Variants in NLRC5 observed in about 807,000 individuals in gnomAD.
NLRC5 encodes protein NLRC5.
In NLRC5, 114 loss-of-function variants were observed where a neutral mutation model predicts 206.9. The observed-to-expected ratio is 0.55, with a 90% confidence interval of 0.47 to 0.64. The LOEUF (loss-of-function observed/expected upper bound fraction) is 0.64. NLRC5 is among the 30% of genes least tolerant of loss of function. NLRC5 has a pLI of 0.00. For missense variants in NLRC5, 2,008 were observed against 2,305.5 expected, an observed-to-expected ratio of 0.87 and a Z score of 2.64; for synonymous variants, 952 against 962.8, an observed-to-expected ratio of 0.99 and a Z score of 0.21.
At chr16:57,042,812 T>C (rs1199625055) in intron 19 of NLRC5, among the ~76,000 whole-genome samples, 1 of 152,170 alleles carries the variant, frequency 6.6e-6, no homozygotes, top group Non-Finnish European at 1.5e-5. Flanking sequence ...ATCTCTGAAA[T>C]GAGTGCTGGG....
At chr16:57,054,622 G>T (rs1162134747) in intron 24 of NLRC5, 129 bp from the exon 25 acceptor site, 5 of 757,232 alleles carry the variant, frequency 6.6e-6, no homozygotes, top group Non-Finnish European at 1.2e-5. Context: ...TGTGCCTCTT[G>T]ATCCCCTGCC....
chr16:57,068,225 T>A (rs1443593142), intron 36 of NLRC5, among the ~76,000 whole-genome samples: 1 of 152,040 alleles, frequency 6.6e-6, no homozygotes, highest in Non-Finnish European at 1.5e-5. Context: ...AGCTCAGGAA[T>A]TCGAGACCAC....
intron 23 of NLRC5, among the ~76,000 whole-genome samples, chr16:57,049,202 G>C (rs147039726): frequency 6.8e-4 from 104 of 152,320 alleles, no homozygotes; most frequent in African/African-American, 1.9e-3. Context: ...ATCCTAGGCT[G>C]CATGCAGCAG....
chr16:57,068,239 G>A lies in NLRC5; in HGVS notation c.4499+411G>A, dbSNP rs529521376. ...GAGCTCAGGAATTCGAGACCACCCT[G>A]GACAACACGGTGAAACCCCGTCTCT... On this transcript the variant is annotated intron_variant, in intron 36 of 48. Coordinates refer to ENST00000688547, the MANE Select transcript of NLRC5 (RefSeq NM_001384950.1). Among the ~76,000 whole-genome samples the A allele has an allele frequency of 3.9e-5, 6 of 152,072 alleles. No individual in the cohort carries two copies. The South Asian group carries it at 1.2e-3, about 32-fold the overall frequency.
rs1356346577 is a variant in NLRC5, at chr16:57,074,588, C to T, written c.4668-12C>T. The T allele has an allele frequency of 3.1e-6, 5 of 1,613,522 alleles. No homozygotes were observed. Among genetic ancestry groups the T allele is most frequent in the Non-Finnish European group, 4.2e-6 (5 of 1,179,594 alleles). ...CCCAGATGTCAAGTTCACCTGGCCT[C>T]CTCTTCTCCAGCCTCAGTCACCTTC... On this transcript the variant is annotated splice_polypyrimidine_tract_variant and intron_variant, in intron 38 of 48. Transcript: ENST00000688547.
rs763147979 is a variant in NLRC5 at position 57,021,017 on chromosome 16, G to A, written c.295+10G>A. On this transcript the variant is annotated intron_variant, in intron 3 of 48. Transcript: ENST00000688547. ...TTTGGCTATGATGATGGTAAGGGCA[G>A]GTGTGAGAGACGCAAAGCAGCCGGG... is the stretch of plus-strand genomic sequence containing the variant. 2.5e-6 allele frequency: 4 copies of A among 1,610,510 alleles called. No homozygotes were observed. Among genetic ancestry groups the A allele is most frequent in the Non-Finnish European group, 3.4e-6 (4 of 1,177,050 alleles).
In NLRC5 at chr16:57,083,136, C is replaced by T. The variant is rs2069335288; in HGVS notation, c.*608C>T. The T allele has an allele frequency of 6.6e-6, 1 of 152,350 alleles. No individual in the cohort carries two copies. The highest frequency in any genetic ancestry group is 6.5e-5 in the Admixed American group (1 of 15,286). 9.4% of individuals were successfully genotyped at this position (152,350 alleles called of 1,614,324 possible). A position where few individuals can be genotyped will look rare whatever the true frequency, so the allele number is the denominator to read the frequency against. On this transcript the variant is annotated 3_prime_UTR_variant, in exon 49 of 49. Coordinates refer to ENST00000688547, the MANE Select transcript of NLRC5 (RefSeq NM_001384950.1). ...ACTGACCAGTCCAGGGGCTCAAGGG[C>T]CAGGGCTCTGGAACAAGCCAGGGAC... is the stretch of plus-strand genomic sequence containing the variant.
intron 37 of NLRC5, 55 bp downstream of exon 37, chr16:57,069,974 T>C: frequency 6.9e-7 from 1 of 1,453,160 alleles, no homozygotes; most frequent in Non-Finnish European, 9.4e-7. Flanking sequence ...GGGTGAGGGG[T>C]GGAGAAGAGA....
chr16:57,078,141 C>A, intron 43 of NLRC5, 121 bp downstream of exon 43: 1 of 728,216 alleles, frequency 1.4e-6, no homozygotes, highest in Non-Finnish European at 2.2e-6. Flanking sequence ...TTGGCATATA[C>A]CCACTCTCCT....
chr16:57,043,345 T>G (rs1196146124), intron 19 of NLRC5, among the ~76,000 whole-genome samples, 170 bp from the exon 20 acceptor site: 2 of 152,188 alleles, frequency 1.3e-5, no homozygotes, highest in Admixed American at 1.3e-4. Flanking sequence ...AGGACTCTGT[T>G]TCCCCATCTC....
intron 15 of NLRC5, among the ~76,000 whole-genome samples, chr16:57,039,118 G>A (rs2143514355): frequency 6.6e-6 from 1 of 152,226 alleles, no homozygotes; most frequent in South Asian, 2.1e-4. Flanking sequence ...ACTAGAAAAT[G>A]GAAGGTTTGA....
At position 57,070,632 on chromosome 16, in the gene NLRC5, G is replaced by A; in HGVS notation, c.4667+14G>A. Reference sequence around the variant, plus strand: ...AAAGAGGCTGGAGTAAGTAGTGATGGTGGTTGTGGGTGAGTGAGTGGTGGG... The same window carrying A: ...AAAGAGGCTGGAGTAAGTAGTGATGATGGTTGTGGGTGAGTGAGTGGTGGG... On this transcript the variant is annotated intron_variant, in intron 38 of 48. Transcript: ENST00000688547. The A allele has an allele frequency of 2.5e-6, 4 of 1,610,460 alleles. No individual in the cohort carries two copies. The highest frequency in any genetic ancestry group is 3.4e-6 in the Non-Finnish European group (4 of 1,176,736).
At chr16:57,009,056 G>A (rs1396123527) in intron 1 of NLRC5, among the ~76,000 whole-genome samples, 5 of 152,186 alleles carry the variant, frequency 3.3e-5, no homozygotes, top group African/African-American at 1.2e-4. Context: ...ACTTTGGGAG[G>A]CCGAGGTGGG....
chr16:57,040,920 C>T (rs998350821), intron 17 of NLRC5, among the ~76,000 whole-genome samples: 9 of 152,082 alleles, frequency 5.9e-5, no homozygotes, highest in African/African-American at 1.9e-4. Flanking sequence ...AAGGCAGCCC[C>T]GTCAACCACC....
At chr16:57,055,234 A>G in intron 26 of NLRC5, 140 bp downstream of exon 26, 1 of 999,024 alleles carries the variant, frequency 1.0e-6, no homozygotes, top group East Asian at 2.6e-5. Flanking sequence ...GACTTGTTTC[A>G]CCCAGCATGA....
At chr16:57,048,916 G>A (rs2064398686) in intron 23 of NLRC5, among the ~76,000 whole-genome samples, 2 of 152,166 alleles carry the variant, frequency 1.3e-5, no homozygotes, top group African/African-American at 4.8e-5. Flanking sequence ...TTTTCACAGA[G>A]TATATACTGA....
intron 23 of NLRC5, 102 bp from the exon 24 acceptor site, chr16:57,051,436 A>G: frequency 1.2e-6 from 1 of 800,458 alleles, no homozygotes. Flanking sequence ...GTTTCAGGTG[A>G]CCCTGGTTAG....
At chr16:56,998,384 T>G (rs1238968323) in intron 1 of NLRC5, among the ~76,000 whole-genome samples, 1 of 152,136 alleles carries the variant, frequency 6.6e-6, no homozygotes, top group African/African-American at 2.4e-5. Flanking sequence ...TTCCAGAACT[T>G]TATCTAAACC....
At chr16:57,017,031 G>A (rs1413457196) in intron 1 of NLRC5, 43 bp from the exon 2 acceptor site, 1 of 152,830 alleles carries the variant, frequency 6.5e-6, no homozygotes, top group East Asian at 1.9e-4. Context: ...TCCTTTTGGA[G>A]TCTGGAATAG....
Sources: gnomAD v4.1 joint callset for allele counts (sites outside exome capture counted in the v4.1 genomes callset) on GRCh38, gnomAD v4.1.1 for gene constraint, MANE v1.5 for transcripts, NCBI Gene and HGNC (gene_info 2026-07-23, HGNC 2026-07-21) for gene names.